Variants in PTPRT observed in about 807,000 individuals in gnomAD.
The protein encoded by PTPRT is protein tyrosine phosphatase receptor type T.
Under a neutral mutation model 176.8 loss-of-function variants are expected in PTPRT, and 56 were observed. The ratio of observed to expected loss-of-function variants is 0.32; its 90% CI spans 0.26 to 0.40. The LOEUF (loss-of-function observed/expected upper bound fraction) is 0.40. PTPRT is among the 10% of genes least tolerant of loss of function. PTPRT has a pLI of 1.00. For missense variants in PTPRT, 1,540 were observed against 1,908.2 expected, an observed-to-expected ratio of 0.81 and a Z score of 3.60; for synonymous variants, 783 against 739.0, an observed-to-expected ratio of 1.06 and a Z score of -0.96.
intron 11 of PTPRT, among the ~76,000 whole-genome samples, chr20:42,317,529 C>A (rs1008995319): frequency 2.0e-5 from 3 of 151,976 alleles, no homozygotes; most frequent in Non-Finnish European, 4.4e-5. Context: ...AGTAGGGGAC[C>A]CCAAACCAAT....
At chr20:42,424,203 C>G (rs1375090209) in intron 9 of PTPRT, among the ~76,000 whole-genome samples, 3 of 152,142 alleles carry the variant, frequency 2.0e-5, no homozygotes, top group Admixed American at 2.0e-4. Context: ...TTTGGACACT[C>G]AAGTTTTCCA....
At chr20:42,932,028 T>G (rs1005977646) in intron 1 of PTPRT, among the ~76,000 whole-genome samples, 1 of 152,238 alleles carries the variant, frequency 6.6e-6, no homozygotes, top group Non-Finnish European at 1.5e-5. Flanking sequence ...GTCCCATGAA[T>G]GCCACACACG....
At chr20:42,786,846 T>A (rs931756975) in intron 3 of PTPRT, among the ~76,000 whole-genome samples, 1 of 152,162 alleles carries the variant, frequency 6.6e-6, no homozygotes, top group Non-Finnish European at 1.5e-5. Flanking sequence ...GGGAGTAGGG[T>A]ATCTGGGATC....
chr20:42,730,303 T>C (rs1024119759), intron 6 of PTPRT, among the ~76,000 whole-genome samples: 10 of 152,068 alleles, frequency 6.6e-5, no homozygotes, highest in Non-Finnish European at 1.5e-4. Context: ...AAGGGAAGAA[T>C]CATGGCATGA....
intron 15 of PTPRT, among the ~76,000 whole-genome samples, chr20:42,217,408 CACACACACACACACACAG>C (rs751773514): frequency 0.16 from 23,429 of 145,004 alleles, 2,387 homozygotes; most frequent in African/African-American, 0.28. Context: ...CACACACACA[CACACACACACACACACAG>C]AACATTACGT....
chr20:42,056,197 G>A, the PTPRT span, among the ~76,000 whole-genome samples: 1 of 152,256 alleles, frequency 6.6e-6, no homozygotes, highest in South Asian at 2.1e-4. Flanking sequence ...CAGATATTTA[G>A]CAGTATTTGT....
intron 16 of PTPRT, among the ~76,000 whole-genome samples, chr20:42,184,605 T>C (rs1397553453): frequency 4.7e-4 from 69 of 145,728 alleles, no homozygotes; most frequent in African/African-American, 1.7e-3. Flanking sequence ...CTCTTCTTCT[T>C]CTTCTTCTTC....
intron 7 of PTPRT, among the ~76,000 whole-genome samples, chr20:42,557,644 A>G (rs2072883002): frequency 6.6e-6 from 1 of 152,158 alleles, no homozygotes; most frequent in African/African-American, 2.4e-5. Context: ...TAGCAAGGGG[A>G]CAGAAAGTCA....
At position 42,664,841 on chromosome 20, in the gene PTPRT, T is replaced by C. The variant is rs887245872; in HGVS notation, c.1153+13025A>G. Reference sequence around the variant, plus strand: ...TGACAAACCTGACAAAAACAAGAAATGGGGAAATGACTCCCTATTTAATAA... The same window carrying C: ...TGACAAACCTGACAAAAACAAGAAACGGGGAAATGACTCCCTATTTAATAA... On this transcript the variant is annotated intron_variant, in intron 7 of 30. Coordinates refer to ENST00000373187, the MANE Select transcript of PTPRT (RefSeq NM_007050.6). Among the ~76,000 whole-genome samples, 16 of 152,180 alleles carry C rather than the reference T, an allele frequency of 1.1e-4. No individual in the cohort carries two copies. The South Asian group carries it at 2.3e-3, about 22-fold the overall frequency.
intron 7 of PTPRT, among the ~76,000 whole-genome samples, chr20:42,549,620 T>C (rs2072733111): frequency 6.6e-6 from 1 of 152,110 alleles, no homozygotes; most frequent in Non-Finnish European, 1.5e-5. Flanking sequence ...ATGAAATAAA[T>C]CTTGGAGAAC....
intron 1 of PTPRT, among the ~76,000 whole-genome samples, chr20:43,001,985 C>T (rs1600638784): frequency 6.6e-6 from 1 of 152,144 alleles, no homozygotes; most frequent in East Asian, 1.9e-4. Context: ...GAATTGCAAT[C>T]CCCAGGTGTT....
chr20:42,266,190 G>A (rs2056836054), intron 13 of PTPRT, among the ~76,000 whole-genome samples: 1 of 152,188 alleles, frequency 6.6e-6, no homozygotes, highest in Admixed American at 6.5e-5. Flanking sequence ...GCGAAAGGCT[G>A]AGTAATTGGC....
In PTPRT at chr20:42,102,166, C is replaced by A. The variant is rs955903147; in HGVS notation, c.3672G>T (p.Val1224=). ...TGATGTAATTGCTGGATTCTCCGTC[C>A]ACTGAGATAAGGAAGGGCAGGCAGC... The part of the protein sequence containing the change: ...LDRCLPFLIS[V]DGESSNYINA... The change falls in exon 26 of 31, where the codon GTG becomes GTT. Residue 1224 remains valine, a synonymous_variant. Transcript: ENST00000373187. 1 of 1,614,050 alleles carries A rather than the reference C, an allele frequency of 6.2e-7. No individual in the cohort carries two copies. The highest frequency in any genetic ancestry group is 1.3e-5 in the African/African-American group (1 of 74,934).
chr20:42,455,017 G>C (rs2070895593), intron 8 of PTPRT, among the ~76,000 whole-genome samples: 1 of 152,144 alleles, frequency 6.6e-6, no homozygotes, highest in Non-Finnish European at 1.5e-5. Flanking sequence ...CTACTTGGTT[G>C]GGTTACTCTG....
intron 2 of PTPRT, among the ~76,000 whole-genome samples, chr20:42,883,735 T>C (rs2145861844): frequency 2.1e-3 from 3 of 1,440 alleles, no homozygotes; most frequent in Non-Finnish European, 3.0e-3. Flanking sequence ...TACACCCCCA[T>C]ACACTCTCAC....
At position 42,164,622 on chromosome 20, in the gene PTPRT, C is replaced by T. The variant is rs182652468; in HGVS notation, c.2492-3080G>A. Among the ~76,000 whole-genome samples the T allele has an allele frequency of 6.3e-4, 90 of 143,306 alleles. 1 individual carries two copies. The highest frequency in any genetic ancestry group is 4.0e-3 in the South Asian group (18 of 4,546). 94.0% of individuals were successfully genotyped at this position (143,306 alleles called of 152,430 possible). A position where few individuals can be genotyped will look rare whatever the true frequency, so the allele number is the denominator to read the frequency against. On this transcript the variant is annotated intron_variant, in intron 16 of 30. Coordinates refer to ENST00000373187, the MANE Select transcript of PTPRT (RefSeq NM_007050.6). ...TTTTATCACACTCCATTTCACCAGA[C>T]GCACTATACTTAATTTTCCATCGTT... is the stretch of plus-strand genomic sequence containing the variant.
intron 2 of PTPRT, among the ~76,000 whole-genome samples, chr20:42,817,376 T>TTTTTGG (rs2077806620): frequency 6.6e-6 from 1 of 151,506 alleles, no homozygotes; most frequent in Non-Finnish European, 1.5e-5. Flanking sequence ...TTTTTTTTTT[T>TTTTTGG]TTTGGTTTAA....
chr20:42,338,222 T>C (rs1600855027), intron 11 of PTPRT, among the ~76,000 whole-genome samples: 1 of 152,372 alleles, frequency 6.6e-6, no homozygotes, highest in South Asian at 2.1e-4. Flanking sequence ...CTGTAATTTA[T>C]ATACCTGCAG....
chr20:42,118,008 T>C (rs1987379979), intron 21 of PTPRT, among the ~76,000 whole-genome samples: 1 of 152,112 alleles, frequency 6.6e-6, no homozygotes, highest in African/African-American at 2.4e-5. Flanking sequence ...GGCTGAGCCA[T>C]AGGAAACAGT....
Sources: allele counts gnomAD v4.1 joint callset (sites outside exome capture counted in the v4.1 genomes callset), GRCh38; gene constraint gnomAD v4.1.1; transcripts MANE v1.5; gene names NCBI Gene and HGNC (gene_info 2026-07-23, HGNC 2026-07-21).